HIP1R: variants seen among roughly 807,000 people sequenced by gnomAD.
The protein encoded by HIP1R is huntingtin interacting protein 1 related.
In HIP1R, 135 loss-of-function variants were observed where a neutral mutation model predicts 144.2. That is an observed-to-expected ratio of 0.94 (90% CI 0.81 to 1.08). The LOEUF is 1.08. Among genes scored for constraint, HIP1R ranks in the 50% least tolerant of loss-of-function variants. The pLI, the probability that HIP1R is intolerant of heterozygous loss-of-function variation, is 0.00. For synonymous variants in HIP1R, 698 were observed against 612.8 expected, an observed-to-expected ratio of 1.14 and a Z score of -2.05; for missense variants, 1,462 against 1,432.8, an observed-to-expected ratio of 1.02 and a Z score of -0.33.
At chr12:122,854,242 C>T (rs1328274352) in intron 8 of HIP1R, 59 bp downstream of exon 8, 8 of 1,461,318 alleles carry the variant, frequency 5.5e-6, no homozygotes, top group Middle Eastern at 1.8e-4. Flanking sequence ...CTTAGACATT[C>T]ACTGTCAAAA....
At chr12:122,852,527 C>T (rs535549003) in intron 7 of HIP1R, among the ~76,000 whole-genome samples, 6 of 152,306 alleles carry the variant, frequency 3.9e-5, no homozygotes, top group Admixed American at 3.9e-4. Flanking sequence ...CTCACAGGCA[C>T]GCTTCCCACC....
upstream of HIP1R, chr12:122,835,343 G>C: frequency 3.1e-6 from 3 of 971,926 alleles, no homozygotes; most frequent in Non-Finnish European, 3.8e-6. Context: ...GGGGGCGGGC[G>C]AGGCGTTTGC....
intron 22 of HIP1R, 64 bp downstream of exon 22, chr12:122,859,261 C>T: frequency 1.3e-6 from 2 of 1,529,614 alleles, no homozygotes. Flanking sequence ...GCACCCACCT[C>T]TGGGTTGGCT....
intron 18 of HIP1R, 28 bp from the exon 19 acceptor site, chr12:122,858,067 GATCTCTA>G: frequency 6.9e-7 from 1 of 1,442,568 alleles, no homozygotes; most frequent in Non-Finnish European, 9.1e-7. Context: ...CCTTGGGGAG[GATCTCTA>G]ACCTGTCCTC....
Position 122,858,415 on chromosome 12 carries a change from A to G in HIP1R, c.2030A>G (p.Gln677Arg). ...AGCACCCTGGAGGAGGGCCACGCCC[A>G]GTACCTGACCTCCTTGGCAGGTGAG... ...AVSTLEEGHA[Q>R]YLTSLADASA... Residue 677 changes from glutamine to arginine, a missense_variant, in exon 20 of 32, where the codon CAG (glutamine) becomes CGG (arginine). Coordinates refer to ENST00000253083, the MANE Select transcript of HIP1R (RefSeq NM_003959.3). 2 of 1,609,490 alleles carry G rather than the reference A, an allele frequency of 1.2e-6. No individual in the cohort carries two copies. Among genetic ancestry groups the G allele is most frequent in the Non-Finnish European group, 8.5e-7 (1 of 1,177,488 alleles).
intron 2 of HIP1R, 106 bp from the exon 3 acceptor site, chr12:122,848,360 G>T: frequency 2.1e-6 from 3 of 1,398,688 alleles, no homozygotes; most frequent in Non-Finnish European, 2.9e-6. Flanking sequence ...TGATGGGCAC[G>T]TGATTGGGGG....
intron 6 of HIP1R, 66 bp from the exon 7 acceptor site, chr12:122,851,170 C>T (rs1030118436): frequency 4.4e-6 from 6 of 1,375,284 alleles, no homozygotes; most frequent in Admixed American, 5.6e-5. Flanking sequence ...CTGGAGGGGG[C>T]GTCTCAGGAC....
intron 20 of HIP1R, 113 bp downstream of exon 20, chr12:122,858,548 C>G: frequency 1.2e-6 from 1 of 838,434 alleles, no homozygotes; most frequent in South Asian, 1.8e-5. Context: ...TCTGGGAAGC[C>G]AAGCAGATGC....
At chr12:122,837,576 G>T (rs534564567) in intron 1 of HIP1R, among the ~76,000 whole-genome samples, 1 of 152,130 alleles carries the variant, frequency 6.6e-6, no homozygotes, top group Non-Finnish European at 1.5e-5. Flanking sequence ...GCCTCACCTC[G>T]GCCTCCCGAG....
At chr12:122,848,954 C>T (rs2135648533) in intron 4 of HIP1R, 102 bp downstream of exon 4, 2 of 1,254,796 alleles carry the variant, frequency 1.6e-6, no homozygotes, top group Non-Finnish European at 2.3e-6. Flanking sequence ...CTGCGGGTGG[C>T]TGGGTTTTCC....
chr12:122,854,357 AAC>A lies in HIP1R; in HGVS notation c.718+175_718+176del, dbSNP rs534858994. Among the ~76,000 whole-genome samples the A allele has an allele frequency of 6.6e-3, 996 of 149,896 alleles. 11 individuals carry two copies. The highest frequency in any genetic ancestry group is 0.023 in the African/African-American group (949 of 40,480). On this transcript the variant is annotated intron_variant, in intron 8 of 31. Transcript: ENST00000253083. ...TATTTTATGAAAAAAAAAAAAAAAAAACCCACTACTTTACCAAGCAAAAAACT... is the reference window on the plus strand; with the variant it reads ...TATTTTATGAAAAAAAAAAAAAAAAACCACTACTTTACCAAGCAAAAAACT...
chr12:122,861,406 C>T lies in HIP1R; in HGVS notation c.3051C>T (p.Ser1017=), dbSNP rs1047016174. The T allele has an allele frequency of 6.8e-6, 11 of 1,613,302 alleles. No homozygotes were observed. Among genetic ancestry groups the T allele is most frequent in the Non-Finnish European group, 9.3e-6 (11 of 1,179,888 alleles). ...QHYVLAGASG[S]PGEEVAIRPS... ...ACGTGCTGGCTGGGGCATCAGGCAGCCCTGGAGAGGAGGTGGCCATCCGGC... is the reference window on the plus strand; with the variant it reads ...ACGTGCTGGCTGGGGCATCAGGCAGTCCTGGAGAGGAGGTGGCCATCCGGC... Residue 1017 remains serine (S), a synonymous_variant, in exon 31 of 32, where the codon AGC becomes AGT. Coordinates refer to ENST00000253083, the MANE Select transcript of HIP1R (RefSeq NM_003959.3).
chr12:122,847,308 G>C (rs886079522), intron 1 of HIP1R, among the ~76,000 whole-genome samples: 8 of 152,304 alleles, frequency 5.3e-5, no homozygotes, highest in Admixed American at 2.0e-4. Flanking sequence ...CGGGGCGGGG[G>C]GGGAGGGGTG....
At chr12:122,835,152 G>A (rs1375799672), upstream of HIP1R, 6 of 572,966 alleles carry the variant, frequency 1.0e-5, no homozygotes, top group Non-Finnish European at 1.1e-5. Context: ...GAGCTGGGGG[G>A]GCGTTTGGCC....
rs1206885950 is a variant in HIP1R at position 122,840,098 on chromosome 12, G to A, written c.93+4455G>A. Among the ~76,000 whole-genome samples the A allele has an allele frequency of 1.3e-5, 2 of 152,240 alleles. No individual in the cohort carries two copies. Among genetic ancestry groups the A allele is most frequent in the African/African-American group, 4.8e-5 (2 of 41,472 alleles). On this transcript the variant is annotated intron_variant, in intron 1 of 31. Transcript: ENST00000253083. The surrounding 1 kb of genome is among the most constrained non-coding windows in gnomAD (Gnocchi z 4.2). The stretch of plus-strand genomic sequence containing the variant: ...CCACCCCATCAGCCCACATGGTGAT[G>A]CCCTCGTGGTGATGCCCGGCAGGCC...
At chr12:122,858,973 T>C in intron 21 of HIP1R, 28 bp downstream of exon 21, 1 of 1,611,928 alleles carries the variant, frequency 6.2e-7, no homozygotes, top group Non-Finnish European at 8.5e-7. Flanking sequence ...TGGCAGGTTC[T>C]GTCCACCTCA....
At chr12:122,838,638 C>G (rs1466343396) in intron 1 of HIP1R, among the ~76,000 whole-genome samples, 2 of 152,142 alleles carry the variant, frequency 1.3e-5, no homozygotes, top group Non-Finnish European at 2.9e-5. Flanking sequence ...GCAGCTAGAA[C>G]CTGTGACTAC....
chr12:122,854,570 C>T (rs11060406), intron 8 of HIP1R, among the ~76,000 whole-genome samples: 3,606 of 152,284 alleles, frequency 0.024, 79 homozygotes, highest in Non-Finnish European at 0.037. Flanking sequence ...CGTCCCTCGA[C>T]CGCACTTTGA....
chr12:122,860,235 A>G (rs1318158219), intron 26 of HIP1R, 25 bp downstream of exon 26: 5 of 1,544,438 alleles, frequency 3.2e-6, no homozygotes, highest in Non-Finnish European at 4.4e-6. Flanking sequence ...GCAGCAGGGC[A>G]CAGTCCACAA....
Sources: gnomAD v4.1 joint callset for allele counts (sites outside exome capture counted in the v4.1 genomes callset) on GRCh38, gnomAD v4.1.1 for gene constraint, Gnocchi (gnomAD v3.1) non-coding constraint, MANE v1.5 for transcripts, NCBI Gene and HGNC (gene_info 2026-07-23, HGNC 2026-07-21) for gene names.